Variants in CTIF observed in about 807,000 individuals in gnomAD.
The protein encoded by CTIF is CBP80/20-dependent translation initiation factor.
CTIF carries 21 observed loss-of-function variants against 66.0 expected under a neutral mutation model. The ratio of observed to expected loss-of-function variants is 0.32; its 90% CI spans 0.23 to 0.46. The LOEUF is 0.46. CTIF is among the 20% of genes least tolerant of loss of function. The pLI is 1.00. For missense variants in CTIF, 739 were observed against 812.7 expected, an observed-to-expected ratio of 0.91 and a Z score of 1.10; for synonymous variants, 345 against 326.4, an observed-to-expected ratio of 1.06 and a Z score of -0.62.
At chr18:48,607,354 G>A (rs1415499169) in intron 1 of CTIF, among the ~76,000 whole-genome samples, 2 of 152,226 alleles carry the variant, frequency 1.3e-5, no homozygotes, top group African/African-American at 4.8e-5. Context: ...CATTGTGTGG[G>A]ATACATGAGG....
intron 3 of CTIF, among the ~76,000 whole-genome samples, chr18:48,661,095 G>A (rs1354628461): frequency 1.3e-5 from 2 of 152,246 alleles, no homozygotes; most frequent in African/African-American, 4.8e-5. Context: ...TGGCCCTCCT[G>A]TGTGCCTGGC....
At chr18:48,578,571 C>T (rs118188270) in intron 1 of CTIF, among the ~76,000 whole-genome samples, 3,705 of 152,230 alleles carry the variant, frequency 0.024, 61 homozygotes, top group Non-Finnish European at 0.036. Context: ...TCCCTGATGA[C>T]TAATGACGTT....
chr18:48,792,070 C>G (rs2067804760), intron 9 of CTIF, among the ~76,000 whole-genome samples: 1 of 152,192 alleles, frequency 6.6e-6, no homozygotes, highest in Non-Finnish European at 1.5e-5. Flanking sequence ...AGCAACAGAT[C>G]TGCAAATAAG....
chr18:48,609,063 G>T (rs1006442024), intron 1 of CTIF, among the ~76,000 whole-genome samples: 70 of 152,222 alleles, frequency 4.6e-4, no homozygotes, highest in African/African-American at 1.4e-3. Context: ...GCTTTTGACA[G>T]CTGGTGGTGG....
chr18:48,649,376 G>A (rs556089244), intron 3 of CTIF, among the ~76,000 whole-genome samples: 1 of 152,354 alleles, frequency 6.6e-6, no homozygotes, highest in South Asian at 2.1e-4. Flanking sequence ...ACATTGACCT[G>A]TGAGGCAGCA....
chr18:48,856,506 G>A lies in CTIF; in HGVS notation c.1528-1082G>A, dbSNP rs538389835. Reference sequence around the variant, plus strand: ...CTAATAGCTAAAAGGTGGAAACAACGCAAAAGTCCATTAACAGATGAATGG... The same window carrying A: ...CTAATAGCTAAAAGGTGGAAACAACACAAAAGTCCATTAACAGATGAATGG... On this transcript the variant is annotated intron_variant, in intron 10 of 11. Coordinates refer to ENST00000256413, the MANE Select transcript of CTIF (RefSeq NM_014772.3). Among the ~76,000 whole-genome samples the A allele has an allele frequency of 7.2e-5, 11 of 152,292 alleles. No individual in the cohort carries two copies. The South Asian group carries it at 8.3e-4, about 11-fold the overall frequency.
chr18:48,818,046 T>C (rs1238578675), intron 10 of CTIF, among the ~76,000 whole-genome samples: 1 of 152,240 alleles, frequency 6.6e-6, no homozygotes, highest in Non-Finnish European at 1.5e-5. Flanking sequence ...TATGAAAACA[T>C]ATTTTCTTCT....
In CTIF at chr18:48,598,385, G is replaced by A. The variant is rs115025578; in HGVS notation, c.-28-21153G>A. 3.4e-3 allele frequency among the ~76,000 whole-genome samples: 517 copies of A among 152,326 alleles called. 3 individuals carry two copies. Among genetic ancestry groups the A allele is most frequent in the African/African-American group, 0.011 (456 of 41,568 alleles). ...GCTGTCATTAGCAAGGAGAGAAGGT[G>A]TGGCAGGCACCTCTCCGCTCTGAGG... On this transcript the variant is annotated intron_variant, in intron 1 of 11. Coordinates refer to ENST00000256413, the MANE Select transcript of CTIF (RefSeq NM_014772.3).
intron 1 of CTIF, among the ~76,000 whole-genome samples, chr18:48,611,745 T>A (rs1390117891): frequency 6.6e-6 from 1 of 152,152 alleles, no homozygotes; most frequent in East Asian, 1.9e-4. Context: ...CATGGGTAGG[T>A]GAAACAAAAG....
chr18:48,646,780 G>C (rs2091040697), intron 3 of CTIF, among the ~76,000 whole-genome samples: 1 of 150,984 alleles, frequency 6.6e-6, no homozygotes, highest in Non-Finnish European at 1.5e-5. Context: ...AAACAAAAAG[G>C]AAAGAAAAAC....
intron 5 of CTIF, among the ~76,000 whole-genome samples, chr18:48,668,601 C>G (rs954014566): frequency 6.6e-6 from 1 of 152,068 alleles, no homozygotes; most frequent in Non-Finnish European, 1.5e-5. Context: ...CACCATGCCC[C>G]TTGCCTACCC....
chr18:48,706,910 G>T (rs1203127027), intron 6 of CTIF, among the ~76,000 whole-genome samples: 1 of 152,214 alleles, frequency 6.6e-6, no homozygotes, highest in Non-Finnish European at 1.5e-5. Flanking sequence ...ACCGGAAGTG[G>T]TCAGATGTTA....
chr18:48,816,983 G>C (rs1482270109), intron 9 of CTIF, among the ~76,000 whole-genome samples: 1 of 152,212 alleles, frequency 6.6e-6, no homozygotes, highest in Non-Finnish European at 1.5e-5. Context: ...GCAATGCCTA[G>C]AGGCAAGGAA....
Position 48,629,462 on chromosome 18 carries a change from T to G in CTIF, c.181-7152T>G, listed in dbSNP as rs530052245. ...TACATATAATTGTATGTAAAACTTCTTTCTAAATCATTTGAGAGTTAGTTC... is the reference window on the plus strand; with the variant it reads ...TACATATAATTGTATGTAAAACTTCGTTCTAAATCATTTGAGAGTTAGTTC... On this transcript the variant is annotated intron_variant, in intron 2 of 11. Transcript: ENST00000256413. Among the ~76,000 whole-genome samples, 288 of 152,302 alleles carry G rather than the reference T, an allele frequency of 1.9e-3. 3 individuals are homozygous for G. The South Asian group carries it at 0.019, about 10-fold the overall frequency.
intron 1 of CTIF, among the ~76,000 whole-genome samples, chr18:48,543,222 G>A (rs992239888): frequency 2.4e-4 from 37 of 152,220 alleles, no homozygotes; most frequent in Non-Finnish European, 3.4e-4. Context: ...GGTTAGGTTG[G>A]AGAGAGAATC....
chr18:48,648,157 A>T (rs2091085459), intron 3 of CTIF, among the ~76,000 whole-genome samples: 1 of 152,116 alleles, frequency 6.6e-6, no homozygotes, highest in Non-Finnish European at 1.5e-5. Context: ...TAATTAGCTG[A>T]GAGTGGGCAG....
Position 48,758,302 on chromosome 18 carries a change from C to G in CTIF, c.968C>G (p.Thr323Arg). The G allele has an allele frequency of 2.5e-6, 4 of 1,613,372 alleles. No individual in the cohort carries two copies. The highest frequency in any genetic ancestry group is 3.4e-6 in the Non-Finnish European group (4 of 1,179,964). The change falls in exon 8 of 12, where the codon ACA becomes AGA. Residue 323 changes from threonine to arginine, a missense_variant. Around this residue, in one of 2 missense-constraint regions of CTIF, gnomAD observed 529 missense variants for 520.3 expected, o/e 1.02. Coordinates refer to ENST00000256413, the MANE Select transcript of CTIF (RefSeq NM_014772.3). ...CAGTCAGGGGGGCCAGAGGTTGAGA[C>G]AAAACGTAAAGACAGTATTCTTCCC... Reference protein sequence around the residue: ...PQQSGGPEVETKRKDSILPER... With the variant: ...PQQSGGPEVERKRKDSILPER...
chr18:48,714,302 G>A (rs539432945), intron 7 of CTIF, among the ~76,000 whole-genome samples: 2 of 152,190 alleles, frequency 1.3e-5, no homozygotes, highest in African/African-American at 4.8e-5. Flanking sequence ...GGCACGCATG[G>A]TGGCAAAGGG....
intron 2 of CTIF, among the ~76,000 whole-genome samples, chr18:48,635,305 CTTTTT>C (rs1352039359): frequency 8.1e-6 from 1 of 123,286 alleles, no homozygotes; most frequent in Non-Finnish European, 1.7e-5. Context: ...TCTTTTTTTT[CTTTTT>C]CTTTTTCTTT....
Sources: allele counts gnomAD v4.1 joint callset (sites outside exome capture counted in the v4.1 genomes callset), GRCh38; gene constraint gnomAD v4.1.1; regional missense constraint gnomAD v4.1.1; transcripts MANE v1.5; gene names NCBI Gene and HGNC (gene_info 2026-07-23, HGNC 2026-07-21).